The following TSPAN5 variants were observed in gnomAD, a reference collection of about 807,000 sequenced individuals.
TSPAN5 encodes the protein tetraspanin 5.
Under a neutral mutation model 37.1 loss-of-function variants are expected in TSPAN5, and 10 were observed. The observed-to-expected ratio is 0.27, with a 90% CI of 0.17 to 0.46. The LOEUF is 0.46. Ranked by LOEUF, TSPAN5 falls within the 20% of genes least tolerant of loss-of-function variation. The probability of loss-of-function intolerance (pLI) is 1.00; values close to 1 mark genes in which losing one functional copy is unlikely to be tolerated. For synonymous variants in TSPAN5, 110 were observed against 118.9 expected, an observed-to-expected ratio of 0.93 and a Z score of 0.48; for missense variants, 195 against 326.6, an observed-to-expected ratio of 0.60 and a Z score of 3.11.
intron 1 of TSPAN5, among the ~76,000 whole-genome samples, chr4:98,561,926 A>G (rs756943150): frequency 1.3e-5 from 2 of 152,226 alleles, no homozygotes; most frequent in African/African-American, 2.4e-5. Flanking sequence ...CTGTCCAGGA[A>G]GATTAGCTGT....
At position 98,530,901 on chromosome 4, in the gene TSPAN5, C is replaced by A. The variant is rs115371503; in HGVS notation, c.82-23173G>T. Reference sequence around the variant, plus strand: ...GGACTAGGGGCATGTGCCACCATACCCGGCTAAATGTTAAAATTTTTTTAA... The same window carrying A: ...GGACTAGGGGCATGTGCCACCATACACGGCTAAATGTTAAAATTTTTTTAA... On this transcript the variant is annotated intron_variant, in intron 1 of 7. Coordinates refer to ENST00000305798, the MANE Select transcript of TSPAN5 (RefSeq NM_005723.4). Among the ~76,000 whole-genome samples, 1,177 of 152,088 alleles carry A rather than the reference C, an allele frequency of 7.7e-3. 10 individuals are homozygous for A. The highest frequency in any genetic ancestry group is 0.02 in the Middle Eastern group (6 of 294).
intron 1 of TSPAN5, among the ~76,000 whole-genome samples, chr4:98,649,759 C>T (rs1272901968): frequency 6.6e-6 from 1 of 152,176 alleles, no homozygotes; most frequent in Non-Finnish European, 1.5e-5. Context: ...AGGCACAGCA[C>T]AGCCTAGGGA....
At chr4:98,510,806 A>G (rs1753586300) in intron 1 of TSPAN5, among the ~76,000 whole-genome samples, 1 of 152,238 alleles carries the variant, frequency 6.6e-6, no homozygotes, top group African/African-American at 2.4e-5. Flanking sequence ...AAGTGGTGCA[A>G]GCCTGGGCCT....
intron 1 of TSPAN5, among the ~76,000 whole-genome samples, chr4:98,619,583 A>G (rs933204370): frequency 4.6e-5 from 7 of 152,230 alleles, no homozygotes; most frequent in African/African-American, 1.7e-4. Flanking sequence ...GTAGTGAGCA[A>G]AATAAGCTTA....
In TSPAN5 at chr4:98,549,122, T is replaced by C. The variant is rs192028185; in HGVS notation, c.82-41394A>G. 5.9e-5 allele frequency among the ~76,000 whole-genome samples: 9 copies of C among 152,314 alleles called. No homozygotes were observed. In the East Asian group the frequency reaches 1.7e-3, roughly 29 times the overall value. The stretch of plus-strand genomic sequence containing the variant: ...TCTATTTTTAGTTGAGAAATCTCCA[T>C]ACCATTTTCCACTGAGGTTGTACTA... On this transcript the variant is annotated intron_variant, in intron 1 of 7. Transcript: ENST00000305798.
intron 2 of TSPAN5, among the ~76,000 whole-genome samples, chr4:98,504,440 C>T (rs2110283261): frequency 6.6e-6 from 1 of 152,334 alleles, no homozygotes; most frequent in Middle Eastern, 3.4e-3. Flanking sequence ...GATCAACACA[C>T]TTCACATCCT....
chr4:98,585,101 G>T (rs1755455551), intron 1 of TSPAN5, among the ~76,000 whole-genome samples: 1 of 152,140 alleles, frequency 6.6e-6, no homozygotes, highest in South Asian at 2.1e-4. Flanking sequence ...TAGATCTGCA[G>T]TCAAAAAACC....
rs186267425 is a variant in TSPAN5 at position 98,586,354 on chromosome 4, C to T, written c.81+71792G>A. 4.1e-3 allele frequency among the ~76,000 whole-genome samples: 630 copies of T among 152,214 alleles called. 5 individuals carry two copies. The highest frequency in any genetic ancestry group is 0.01 in the Middle Eastern group (3 of 294). On this transcript the variant is annotated intron_variant, in intron 1 of 7. Coordinates refer to ENST00000305798, the MANE Select transcript of TSPAN5 (RefSeq NM_005723.4). The stretch of plus-strand genomic sequence containing the variant: ...ACATTTTGGGACAATCTAACCTTTC[C>T]CCATTAACTGACTTGTCTGTGTGAA...
chr4:98,502,772 T>G (rs2110281640), intron 2 of TSPAN5, among the ~76,000 whole-genome samples: 1 of 152,090 alleles, frequency 6.6e-6, no homozygotes, highest in East Asian at 1.9e-4. Flanking sequence ...AGTGAATGAG[T>G]GTCAACCCCA....
chr4:98,550,326 A>G (rs1754582586), intron 1 of TSPAN5, among the ~76,000 whole-genome samples: 1 of 152,110 alleles, frequency 6.6e-6, no homozygotes, highest in Non-Finnish European at 1.5e-5. Flanking sequence ...TGACGCCTCT[A>G]GATTTTTTCT....
At position 98,589,438 on chromosome 4, in the gene TSPAN5, C is replaced by T. The variant is rs561107526; in HGVS notation, c.81+68708G>A. Among the ~76,000 whole-genome samples, 199 of 152,182 alleles carry T rather than the reference C, an allele frequency of 1.3e-3. 1 individual carries two copies. The highest frequency in any genetic ancestry group is 2.3e-3 in the Non-Finnish European group (158 of 68,006). ...TACTCCCAGAGTTGTTCACTTAAGG[C>T]CTGTGATGATGGCCCTAGCAGACAA... is the stretch of plus-strand genomic sequence containing the variant. On this transcript the variant is annotated intron_variant, in intron 1 of 7. Coordinates refer to ENST00000305798, the MANE Select transcript of TSPAN5 (RefSeq NM_005723.4).
intron 1 of TSPAN5, among the ~76,000 whole-genome samples, chr4:98,552,011 G>A (rs1251748866): frequency 1.3e-5 from 2 of 152,196 alleles, no homozygotes; most frequent in Non-Finnish European, 2.9e-5. Flanking sequence ...AATAATAATA[G>A]TCTCTGATGA....
intron 2 of TSPAN5, among the ~76,000 whole-genome samples, chr4:98,499,657 CT>C (rs757802654): frequency 0.013 from 1,364 of 108,046 alleles, 10 homozygotes; most frequent in Middle Eastern, 0.017. Context: ...GTTTCCAGCT[CT>C]TTTTTTTTTT....
chr4:98,634,111 T>G (rs1256983999), intron 1 of TSPAN5, among the ~76,000 whole-genome samples: 2 of 151,280 alleles, frequency 1.3e-5, no homozygotes, highest in African/African-American at 4.9e-5. Context: ...AAAAAAAAAG[T>G]GATCAATCAC....
At chr4:98,614,334 C>G (rs1756268870) in intron 1 of TSPAN5, among the ~76,000 whole-genome samples, 1 of 152,052 alleles carries the variant, frequency 6.6e-6, no homozygotes, top group Non-Finnish European at 1.5e-5. Flanking sequence ...GCCTGTCACA[C>G]CCACTGACCC....
intron 1 of TSPAN5, among the ~76,000 whole-genome samples, chr4:98,643,960 G>T (rs367803550): frequency 4.6e-5 from 7 of 152,202 alleles, no homozygotes; most frequent in Non-Finnish European, 1.0e-4. Context: ...TGCTCAGGAA[G>T]TTCCCAGCCC....
chr4:98,477,248 A>C (rs571673758), intron 5 of TSPAN5, among the ~76,000 whole-genome samples: 1 of 152,288 alleles, frequency 6.6e-6, no homozygotes, highest in South Asian at 2.1e-4. Context: ...CTGAGTGGGC[A>C]CTCTGCTGCC....
intron 1 of TSPAN5, among the ~76,000 whole-genome samples, chr4:98,574,289 G>C (rs1755187125): frequency 6.6e-6 from 1 of 152,110 alleles, no homozygotes; most frequent in African/African-American, 2.4e-5. Flanking sequence ...CTTACCAACA[G>C]TTGATGGGCA....
chr4:98,516,169 C>A (rs1008978129), intron 1 of TSPAN5, among the ~76,000 whole-genome samples: 5 of 152,242 alleles, frequency 3.3e-5, no homozygotes, highest in African/African-American at 1.2e-4. Flanking sequence ...CCTGCCCCAA[C>A]AGGGGCTCCT....
Sources: allele counts gnomAD v4.1 joint callset (sites outside exome capture counted in the v4.1 genomes callset), GRCh38; gene constraint gnomAD v4.1.1; transcripts MANE v1.5; gene names NCBI Gene and HGNC (gene_info 2026-07-23, HGNC 2026-07-21).